Variants in CLSTN1 observed in about 807,000 individuals in gnomAD.
CLSTN1 encodes calsyntenin-1.
A neutral mutation model predicts 108.3 loss-of-function variants in CLSTN1; 28 were observed. That is an observed-to-expected ratio of 0.26 (90% confidence interval 0.19 to 0.35). CLSTN1 has a LOEUF of 0.35. CLSTN1 is among the 10% of genes least tolerant of loss of function. The pLI, the probability that CLSTN1 is intolerant of heterozygous loss-of-function variation, is 1.00. For missense variants in CLSTN1, 1,157 were observed against 1,302.6 expected, an observed-to-expected ratio of 0.89 and a Z score of 1.72; for synonymous variants, 524 against 534.9, an observed-to-expected ratio of 0.98 and a Z score of 0.28.
At chr1:9,745,225 T>C (rs1163907315) in intron 7 of CLSTN1, among the ~76,000 whole-genome samples, 1 of 88,134 alleles carries the variant, frequency 1.1e-5, no homozygotes, top group Non-Finnish European at 2.1e-5. Context: ...CGAGACTCCG[T>C]CTCAAAAAAA....
Position 9,756,181 on chromosome 1 carries a change from C to G in CLSTN1, c.244+300G>C, listed in dbSNP as rs573555883. Among the ~76,000 whole-genome samples, 3 of 152,322 alleles carry G rather than the reference C, an allele frequency of 2.0e-5. No homozygotes were observed. The East Asian group carries it at 5.8e-4, about 29-fold the overall frequency. On this transcript the variant is annotated intron_variant, in intron 3 of 18. Coordinates refer to ENST00000377298, the MANE Select transcript of CLSTN1 (RefSeq NM_001009566.3). ...TTTCACATGAAAATAAGACTGCACT[C>G]CTTCCACAATTCCAACTAATAGAAA...
chr1:9,755,379 C>A, intron 3 of CLSTN1, 70 bp from the exon 4 acceptor site: 1 of 1,257,368 alleles, frequency 8.0e-7, no homozygotes, highest in Non-Finnish European at 1.1e-6. Context: ...CCTCCTCCCC[C>A]CATCTCCACC....
intron 2 of CLSTN1, among the ~76,000 whole-genome samples, chr1:9,760,520 C>T (rs1208643259): frequency 1.3e-5 from 2 of 151,994 alleles, no homozygotes; most frequent in South Asian, 4.1e-4. Context: ...TACCACAGTA[C>T]CTCTGATGAG....
rs577595898 is a variant in CLSTN1 at position 9,756,844 on chromosome 1, T to A, written c.215-334A>T. Among the ~76,000 whole-genome samples, 4 of 152,196 alleles carry A rather than the reference T, an allele frequency of 2.6e-5. No homozygotes were observed. The South Asian group carries it at 8.3e-4, about 32-fold the overall frequency. ...CACCCAGGCTGGAATGCAGTGGTGCTATCTCGGCTCACTGCAAGCTCCGCC... is the reference window on the plus strand; with the variant it reads ...CACCCAGGCTGGAATGCAGTGGTGCAATCTCGGCTCACTGCAAGCTCCGCC... On this transcript the variant is annotated intron_variant, in intron 2 of 18. Coordinates refer to ENST00000377298, the MANE Select transcript of CLSTN1 (RefSeq NM_001009566.3).
chr1:9,754,904 G>A (rs1352067734), intron 4 of CLSTN1, among the ~76,000 whole-genome samples: 4 of 152,114 alleles, frequency 2.6e-5, no homozygotes, highest in Non-Finnish European at 5.9e-5. Flanking sequence ...CCTAATGTGA[G>A]CAAGGCTCTT....
In CLSTN1 at chr1:9,735,181, G is replaced by C. The variant is rs747116115; in HGVS notation, c.1884-7C>G. The C allele has an allele frequency of 3.1e-6, 5 of 1,613,200 alleles. No homozygotes were observed. The highest frequency in any genetic ancestry group is 4.2e-6 in the Non-Finnish European group (5 of 1,179,314). On this transcript the variant is annotated splice_region_variant and splice_polypyrimidine_tract_variant and intron_variant, in intron 13 of 18. Coordinates refer to ENST00000377298, the MANE Select transcript of CLSTN1 (RefSeq NM_001009566.3). Reference sequence around the variant, plus strand: ...GGTGGCCTCGTTAAAACACCTGCCAGCAAGAAATGGGGAAGGGTCAGGGCT... The same window carrying C: ...GGTGGCCTCGTTAAAACACCTGCCACCAAGAAATGGGGAAGGGTCAGGGCT...
Position 9,731,064 on chromosome 1 carries a change from C to T in CLSTN1, c.2748+142G>A, listed in dbSNP as rs1570428257. 1.4e-5 allele frequency: 14 copies of T among 984,470 alleles called. 1 individual carries two copies. Among genetic ancestry groups the T allele is most frequent in the Admixed American group, 1.3e-4 (7 of 52,016 alleles). 61.0% of individuals were successfully genotyped at this position (984,470 alleles called of 1,614,324 possible). A position where few individuals can be genotyped will look rare whatever the true frequency, so the allele number is the denominator to read the frequency against. On this transcript the variant is annotated intron_variant, in intron 18 of 18. Transcript: ENST00000377298. ...GTCTCTCTCAGCCTCGGTTTACCCA[C>T]GAAGACACCTAAGCCCCAGGCTTGC...
chr1:9,732,019 G>T, intron 16 of CLSTN1, 123 bp from the exon 17 acceptor site: 1 of 1,079,096 alleles, frequency 9.3e-7, no homozygotes, highest in Non-Finnish European at 1.3e-6. Context: ...CCGCAGCTGG[G>T]GGCAAACGGA....
rs1655257070 is a variant in CLSTN1 at position 9,823,229 on chromosome 1, C to T, written c.91+414G>A. On this transcript the variant is annotated intron_variant, in intron 1 of 18. Coordinates refer to ENST00000377298, the MANE Select transcript of CLSTN1 (RefSeq NM_001009566.3). The surrounding 1 kb of genome is among the most constrained non-coding windows in gnomAD (Gnocchi z 6.3). ...CTGAGCACACGTACACAGAGCATCTCACCCAGGGGTGCAGCCCCAGCCTGC... is the reference window on the plus strand; with the variant it reads ...CTGAGCACACGTACACAGAGCATCTTACCCAGGGGTGCAGCCCCAGCCTGC... Among the ~76,000 whole-genome samples the T allele has an allele frequency of 6.6e-6, 1 of 152,228 alleles. No homozygotes were observed. Among genetic ancestry groups the T allele is most frequent in the Non-Finnish European group, 1.5e-5 (1 of 68,032 alleles).
At chr1:9,735,832 G>C (rs896644915) in intron 12 of CLSTN1, 53 bp downstream of exon 12, 1 of 1,603,790 alleles carries the variant, frequency 6.2e-7, no homozygotes, top group Non-Finnish European at 8.5e-7. Context: ...CAGCCTCCGG[G>C]GCTGTAGTCT....
intron 2 of CLSTN1, among the ~76,000 whole-genome samples, chr1:9,771,816 T>C (rs1325824496): frequency 1.3e-5 from 2 of 152,108 alleles, no homozygotes; most frequent in African/African-American, 4.8e-5. Context: ...GTGCTGAAAA[T>C]GTGATGTGGC....
At chr1:9,772,299 G>A (rs758436646) in intron 2 of CLSTN1, among the ~76,000 whole-genome samples, 26 of 150,472 alleles carry the variant, frequency 1.7e-4, no homozygotes, top group Admixed American at 5.3e-4. Context: ...TCTTTAATAC[G>A]AGAAGTTTTT....
intron 11 of CLSTN1, 108 bp from the exon 12 acceptor site, chr1:9,736,150 A>G: frequency 7.4e-7 from 1 of 1,346,968 alleles, no homozygotes; most frequent in Non-Finnish European, 1.0e-6. Flanking sequence ...GTGGATGGAC[A>G]TGCGGGTTAG....
chr1:9,768,345 G>A (rs1367525390), intron 2 of CLSTN1, among the ~76,000 whole-genome samples: 2 of 146,166 alleles, frequency 1.4e-5, no homozygotes, highest in East Asian at 2.1e-4. Context: ...TATGTTGGGC[G>A]GCACCATGGG....
rs1378805990 is a variant in CLSTN1 at position 9,751,014 on chromosome 1, G to A, written c.649+459C>T. On this transcript the variant is annotated intron_variant, in intron 5 of 18. Coordinates refer to ENST00000377298, the MANE Select transcript of CLSTN1 (RefSeq NM_001009566.3). ...CGGGAGGCAGAGGTTGCAGTGAGCT[G>A]AGATCGCACCACTGTACTCCAGCCT... 6.4e-4 allele frequency among the ~76,000 whole-genome samples: 97 copies of A among 152,072 alleles called. 1 individual carries two copies. The highest frequency in any genetic ancestry group is 2.1e-3 in the African/African-American group (87 of 41,494).
intron 1 of CLSTN1, among the ~76,000 whole-genome samples, chr1:9,794,534 C>A (rs1448063634): frequency 6.6e-6 from 1 of 151,326 alleles, no homozygotes; most frequent in African/African-American, 2.4e-5. Context: ...GTCTCGAACT[C>A]CTGGCCTCAA....
Position 9,735,056 on chromosome 1 carries a change from A to G in CLSTN1, c.2002T>C (p.Ser668Pro). 1 of 1,614,226 alleles carries G rather than the reference A, an allele frequency of 6.2e-7. No individual in the cohort carries two copies. Among genetic ancestry groups the G allele is most frequent in the Non-Finnish European group, 8.5e-7 (1 of 1,180,038 alleles). ...SGVHHFARAA[S>P]EFESSEGVFL... ...ACCCCTTCTGAGCTTTCAAATTCAG[A>G]AGCTGCTCGGGCAAAATGGTGGACG... The change falls in exon 14 of 19, where the codon TCT (serine) becomes CCT (proline). Residue 668 changes from serine (S) to proline (P), a missense_variant. Ser to Pro is a moderately conservative substitution (Grantham distance 74). Coordinates refer to ENST00000377298, the MANE Select transcript of CLSTN1 (RefSeq NM_001009566.3).
chr1:9,776,748 T>C (rs1652961888), intron 1 of CLSTN1, among the ~76,000 whole-genome samples: 1 of 151,886 alleles, frequency 6.6e-6, no homozygotes, highest in Admixed American at 6.6e-5. Flanking sequence ...TTTAAATGGA[T>C]TGGTCAGTCA....
chr1:9,812,628 C>T (rs1654806765), intron 1 of CLSTN1, among the ~76,000 whole-genome samples: 1 of 152,088 alleles, frequency 6.6e-6, no homozygotes, highest in Admixed American at 6.6e-5. Context: ...GGGCAGAACA[C>T]CTGAGGTCGG....
Sources: allele counts gnomAD v4.1 joint callset (sites outside exome capture counted in the v4.1 genomes callset), GRCh38; gene constraint gnomAD v4.1.1; non-coding constraint Gnocchi (gnomAD v3.1); transcripts MANE v1.5; gene names NCBI Gene and HGNC (gene_info 2026-07-23, HGNC 2026-07-21).